ISLR2: variants seen among roughly 807,000 people sequenced by gnomAD.
The protein encoded by ISLR2 is immunoglobulin superfamily containing leucine-rich repeat protein 2.
In ISLR2, 16 loss-of-function variants were observed where a neutral mutation model predicts 25.5. The observed-to-expected ratio is 0.63, with a 90% CI of 0.43 to 0.95. The LOEUF (loss-of-function observed/expected upper bound fraction) is 0.95, where lower values mean the gene tolerates loss of function less well. Ranked by LOEUF, ISLR2 falls within the 40% of genes least tolerant of loss-of-function variation. ISLR2 has a pLI of 0.00. For synonymous variants in ISLR2, 508 were observed against 486.6 expected (o/e 1.04, Z -0.58); for missense variants, 883 against 1,030.7 (o/e 0.86, Z 1.96).
intron 2 of ISLR2, among the ~76,000 whole-genome samples, chr15:74,112,907 A>G (rs2072180693): frequency 6.7e-6 from 1 of 149,046 alleles, no homozygotes; most frequent in Non-Finnish European, 1.5e-5. Context: ...AGCTCACTGC[A>G]ACCTGCACCT....
rs758774085 is a variant in ISLR2, at chr15:74,134,239, G to A, written c.1485G>A (p.Glu495=). The change falls in exon 3 of 3, where the codon GAG becomes GAA. Residue 495 remains glutamate (E), a synonymous_variant. Transcript: ENST00000453268. ...GCGTCATCGCGCTGGATGTGGCGGAGCGCGAGGCGCGGGTGCAGCTGACTC... is the reference window on the plus strand; with the variant it reads ...GCGTCATCGCGCTGGATGTGGCGGAACGCGAGGCGCGGGTGCAGCTGACTC... ...ELGVIALDVA[E]REARVQLTPL... is the part of the protein sequence containing the mutation. The A allele has an allele frequency of 8.8e-6, 14 of 1,589,700 alleles. No homozygotes were observed. The highest frequency in any genetic ancestry group is 2.3e-5 in the South Asian group (2 of 87,788).
downstream of ISLR2, among the ~76,000 whole-genome samples, chr15:74,140,652 G>T (rs74023422): frequency 0.048 from 7,281 of 152,226 alleles, 377 homozygotes; most frequent in African/African-American, 0.12. Flanking sequence ...CCTTGTTGAG[G>T]CTATAAATTG....
At chr15:74,120,309 T>C (rs2072242699) in intron 2 of ISLR2, among the ~76,000 whole-genome samples, 1 of 152,014 alleles carries the variant, frequency 6.6e-6, no homozygotes, top group South Asian at 2.1e-4. Flanking sequence ...CTACCTTAGG[T>C]CAGGAGTTTG....
intron 2 of ISLR2, among the ~76,000 whole-genome samples, chr15:74,115,237 G>C (rs930599012): frequency 6.6e-5 from 10 of 152,208 alleles, no homozygotes; most frequent in East Asian, 1.9e-4. Context: ...TGGAGTAAAG[G>C]CTTCTCTGAA....
At chr15:74,109,979 C>T (rs1012205738) in intron 2 of ISLR2, among the ~76,000 whole-genome samples, 16 of 151,984 alleles carry the variant, frequency 1.1e-4, no homozygotes, top group Non-Finnish European at 1.8e-4. Context: ...TTTTTTGTGG[C>T]GACAGAGTTT....
Position 74,134,726 on chromosome 15 carries a change from TAC to T in ISLR2, c.1973_1974del (p.Tyr658SerfsTer20). ...TTCGTACCTCGAGTCCGAGAAAAGC[TAC>T]CCGGCAGGCGGCGAGGCGGGCGGCG... The part of the protein sequence containing the change: ...RASYLESEKS[Y>X]PAGGEAGGEE... On this transcript the variant is annotated frameshift_variant, in exon 3 of 3. Transcript: ENST00000453268. LOFTEE classifies it high-confidence loss of function. The T allele has an allele frequency of 6.2e-7, 1 of 1,613,958 alleles. No individual in the cohort carries two copies. Among genetic ancestry groups the T allele is most frequent in the Non-Finnish European group, 8.5e-7 (1 of 1,179,956 alleles).
At chr15:74,102,097 G>A (rs1201116923) in intron 1 of ISLR2, among the ~76,000 whole-genome samples, 1 of 148,266 alleles carries the variant, frequency 6.7e-6, no homozygotes, top group Non-Finnish European at 1.5e-5. Context: ...CTGGGTGCCT[G>A]TAATCCCAGC....
upstream of ISLR2, among the ~76,000 whole-genome samples, chr15:74,125,500 A>T (rs1194424953): frequency 6.6e-6 from 1 of 152,212 alleles, no homozygotes; most frequent in Non-Finnish European, 1.5e-5. Flanking sequence ...TTGGCATCCC[A>T]AAGTGCTGGG....
At chr15:74,125,876 T>G (rs1333025739), upstream of ISLR2, 5 of 152,342 alleles carry the variant, frequency 3.3e-5, no homozygotes, top group Admixed American at 1.3e-4. Flanking sequence ...TTTTTGTTTT[T>G]CCCTAGAAAA....
At chr15:74,128,153 G>GCGCCGGACGA (rs2072324689), upstream of ISLR2, 1 of 299,496 alleles carries the variant, frequency 3.3e-6, no homozygotes, top group South Asian at 2.8e-5. Flanking sequence ...GCGCCGGACG[G>GCGCCGGACGA]CGCCGGACGA....
In ISLR2 at chr15:74,134,626, C is replaced by T. The variant is rs757145288; in HGVS notation, c.1872C>T (p.Pro624=). 6.2e-7 allele frequency: 1 copy of T among 1,614,168 alleles called. No homozygotes were observed. The highest frequency in any genetic ancestry group is 8.5e-7 in the Non-Finnish European group (1 of 1,180,030). The change falls in exon 3 of 3, where the codon CCC becomes CCT. Residue 624 remains proline (P), a synonymous_variant. Coordinates refer to ENST00000453268, the MANE Select transcript of ISLR2 (RefSeq NM_020851.3). ...CHLLAKHPGK[P]YRLILRPQAP... is the part of the protein sequence containing the mutation. ...TGCTGGCTAAACACCCGGGCAAGCC[C>T]TACCGTCTGATCCTGCGGCCTCAGG...
At chr15:74,106,919 C>G (rs117586612) in intron 2 of ISLR2, among the ~76,000 whole-genome samples, 1,612 of 152,230 alleles carry the variant, frequency 0.011, 21 homozygotes, top group Non-Finnish European at 0.017. Flanking sequence ...ATTCTCTCTC[C>G]GCCCCCTTCA....
rs1465986125 is a variant in ISLR2, at chr15:74,105,827, C to G, written n.228+1913C>G. On this transcript the variant is annotated intron_variant and non_coding_transcript_variant, in intron 2 of 3. Transcript: ENST00000561975. ...TTAACCCAAACATTCCACCCAGCCTCGAAAACCAGTAGAACTTTGACATTA... is the reference window on the plus strand; with the variant it reads ...TTAACCCAAACATTCCACCCAGCCTGGAAAACCAGTAGAACTTTGACATTA... Among the ~76,000 whole-genome samples, 7 of 152,146 alleles carry G rather than the reference C, an allele frequency of 4.6e-5. No individual in the cohort carries two copies. The South Asian group carries it at 1.5e-3, about 32-fold the overall frequency.
At chr15:74,117,919 T>C (rs1485411578) in intron 2 of ISLR2, among the ~76,000 whole-genome samples, 1 of 152,136 alleles carries the variant, frequency 6.6e-6, no homozygotes, top group East Asian at 1.9e-4. Context: ...CCACGAAGCC[T>C]GGTCTCATGG....
chr15:74,114,405 GA>G (rs2072194539), intron 2 of ISLR2, among the ~76,000 whole-genome samples: 2 of 152,152 alleles, frequency 1.3e-5, no homozygotes, highest in East Asian at 3.8e-4. Flanking sequence ...CAAAGAAAAA[GA>G]AGCGCAAATG....
chr15:74,138,288 C>CTTTTTTTTTTTTTTT (rs34518777), downstream of ISLR2: 1 of 91,674 alleles, frequency 1.1e-5, no homozygotes, highest in Non-Finnish European at 2.1e-5. Flanking sequence ...TTTCTTTTCT[C>CTTTTTTTTTTTTTTT]TTTTTTTTTT....
In ISLR2 at chr15:74,136,456, CGG is replaced by C. The variant is rs1239139977; in HGVS notation, c.*1465_*1466del. ...CGCCCCGCCCCACCCGCCCCTGCTTCGGCGGGAATCGTGTTTGCCCGGCGTGT... is the reference window on the plus strand; with the variant it reads ...CGCCCCGCCCCACCCGCCCCTGCTTCCGGGAATCGTGTTTGCCCGGCGTGT... On this transcript the variant is annotated 3_prime_UTR_variant, in exon 3 of 3. Transcript: ENST00000453268. 1.8e-5 allele frequency: 3 copies of C among 164,810 alleles called. No homozygotes were observed. The highest frequency in any genetic ancestry group is 4.4e-5 in the Non-Finnish European group (3 of 67,928). 10.2% of individuals were successfully genotyped at this position (164,810 alleles called of 1,614,324 possible).
At position 74,134,926 on chromosome 15, in the gene ISLR2, C is replaced by T. The variant is rs760199257; in HGVS notation, c.2172C>T (p.Pro724=). ...GCTCTGAGTACAGCGATCGGCTGCC[C>T]CTGGGCGCCGAGGCGGTCAACATCG... ...EAGSEYSDRL[P]LGAEAVNIAQ... is the part of the protein sequence containing the mutation. The change falls in exon 3 of 3, where the codon CCC becomes CCT. Residue 724 remains proline, a synonymous_variant. Coordinates refer to ENST00000453268, the MANE Select transcript of ISLR2 (RefSeq NM_020851.3). 6 of 1,613,750 alleles carry T rather than the reference C, an allele frequency of 3.7e-6. No homozygotes were observed. Among genetic ancestry groups the T allele is most frequent in the Non-Finnish European group, 5.1e-6 (6 of 1,179,986 alleles).
In ISLR2 at chr15:74,134,644, G is replaced by A; in HGVS notation, c.1890G>A (p.Arg630=). Residue 630 remains arginine, a synonymous_variant, in exon 3 of 3, where the codon CGG becomes CGA. Transcript: ENST00000453268. The stretch of plus-strand genomic sequence containing the variant: ...GCAAGCCCTACCGTCTGATCCTGCG[G>A]CCTCAGGCCCCTGACCCTATGGAGA... ...HPGKPYRLIL[R]PQAPDPMEKR... is the part of the protein sequence containing the mutation. 6.2e-7 allele frequency: 1 copy of A among 1,614,136 alleles called. No individual in the cohort carries two copies. The highest frequency in any genetic ancestry group is 8.5e-7 in the Non-Finnish European group (1 of 1,180,018).
Sources: gnomAD v4.1 joint callset for allele counts (sites outside exome capture counted in the v4.1 genomes callset) on GRCh38, gnomAD v4.1.1 for gene constraint, MANE v1.5 for transcripts, NCBI Gene and HGNC (gene_info 2026-07-23, HGNC 2026-07-21) for gene names.